NKAIN2: variants seen among roughly 807,000 people sequenced by gnomAD.
NKAIN2 encodes sodium/potassium-transporting ATPase subunit beta-1-interacting protein 2.
NKAIN2 carries 14 observed loss-of-function variants against 32.6 expected under a neutral mutation model. The ratio of observed to expected loss-of-function variants is 0.43; its 90% CI spans 0.28 to 0.67. The LOEUF (loss-of-function observed/expected upper bound fraction) is 0.67, where lower values mean the gene tolerates loss of function less well. Among genes scored for constraint, NKAIN2 ranks in the 30% least tolerant of loss-of-function variants. The pLI, the probability that NKAIN2 is intolerant of heterozygous loss-of-function variation, is 0.17. For missense variants in NKAIN2, 198 were observed against 258.3 expected, an observed-to-expected ratio of 0.77 and a Z score of 1.60; for synonymous variants, 80 against 87.2, an observed-to-expected ratio of 0.92 and a Z score of 0.46.
At chr6:124,251,598 T>C (rs1165493654) in intron 1 of NKAIN2, among the ~76,000 whole-genome samples, 2 of 152,008 alleles carry the variant, frequency 1.3e-5, no homozygotes, top group Admixed American at 1.3e-4. Context: ...TCTATAAATA[T>C]TAAAGCTCTT....
At chr6:124,118,227 T>G (rs539431971) in intron 1 of NKAIN2, among the ~76,000 whole-genome samples, 9 of 152,096 alleles carry the variant, frequency 5.9e-5, no homozygotes, top group African/African-American at 2.2e-4. Context: ...CAACCTTAAT[T>G]TAAAAAGAGG....
intron 1 of NKAIN2, among the ~76,000 whole-genome samples, chr6:123,887,667 T>C (rs1773789787): frequency 6.6e-6 from 1 of 152,058 alleles, no homozygotes; most frequent in Admixed American, 6.6e-5. Context: ...GAAGATGAGA[T>C]CTTACCAAAG....
chr6:124,274,701 A>G (rs1794945347), intron 1 of NKAIN2, among the ~76,000 whole-genome samples: 1 of 152,142 alleles, frequency 6.6e-6, no homozygotes, highest in Non-Finnish European at 1.5e-5. Flanking sequence ...TTAAAAACAT[A>G]TTATTTATTG....
intron 1 of NKAIN2, among the ~76,000 whole-genome samples, chr6:124,188,383 A>G (rs562347676): frequency 6.6e-6 from 1 of 152,346 alleles, no homozygotes; most frequent in South Asian, 2.1e-4. Flanking sequence ...AATTTCTTAA[A>G]GAGGTGTCAG....
At chr6:124,156,746 G>T (rs1272790737) in intron 1 of NKAIN2, among the ~76,000 whole-genome samples, 1 of 152,044 alleles carries the variant, frequency 6.6e-6, no homozygotes, top group Admixed American at 6.6e-5. Flanking sequence ...GTGGAGAATG[G>T]ACTATAAGAA....
At chr6:124,162,443 T>C (rs1289985549) in intron 1 of NKAIN2, among the ~76,000 whole-genome samples, 1 of 152,108 alleles carries the variant, frequency 6.6e-6, no homozygotes, top group African/African-American at 2.4e-5. Flanking sequence ...CCCTACTGAT[T>C]AGAAAAATTG....
intron 1 of NKAIN2, among the ~76,000 whole-genome samples, chr6:124,139,528 T>C (rs1389700918): frequency 6.6e-6 from 1 of 152,218 alleles, no homozygotes; most frequent in African/African-American, 2.4e-5. Flanking sequence ...TCTGTAAAGA[T>C]TCATGTGACA....
chr6:124,068,748 A>G (rs1473114514), intron 1 of NKAIN2, among the ~76,000 whole-genome samples: 3 of 150,276 alleles, frequency 2.0e-5, no homozygotes, highest in African/African-American at 4.9e-5. Flanking sequence ...GGATAATTTA[A>G]TTATAAAAAC....
chr6:124,251,910 T>C (rs1793705523), intron 1 of NKAIN2, among the ~76,000 whole-genome samples: 8 of 152,000 alleles, frequency 5.3e-5, no homozygotes, highest in Admixed American at 4.6e-4. Flanking sequence ...AAAGAAGATA[T>C]ATATAAGAAC....
chr6:124,810,876 A>G (rs566917283), intron 5 of NKAIN2, among the ~76,000 whole-genome samples: 3 of 151,596 alleles, frequency 2.0e-5, no homozygotes, highest in Non-Finnish European at 4.4e-5. Context: ...ACAACAGGCT[A>G]AAGTACGTCT....
At chr6:124,194,381 T>C (rs1240477451) in intron 1 of NKAIN2, among the ~76,000 whole-genome samples, 2 of 152,172 alleles carry the variant, frequency 1.3e-5, no homozygotes, top group Non-Finnish European at 2.9e-5. Context: ...AACATATCTG[T>C]TTCTGTTATT....
intron 3 of NKAIN2, among the ~76,000 whole-genome samples, chr6:124,526,331 A>G (rs1779311753): frequency 6.6e-6 from 1 of 152,142 alleles, no homozygotes; most frequent in Admixed American, 6.5e-5. Context: ...AAGAAGAAGC[A>G]CTTAAAAAGC....
intron 3 of NKAIN2, among the ~76,000 whole-genome samples, chr6:124,452,362 C>A (rs1420913032): frequency 2.6e-5 from 4 of 152,018 alleles, no homozygotes; most frequent in African/African-American, 9.7e-5. Context: ...CTATGTATGA[C>A]AATCAGTCCA....
At chr6:124,249,294 G>A (rs140657115) in intron 1 of NKAIN2, among the ~76,000 whole-genome samples, 7 of 152,136 alleles carry the variant, frequency 4.6e-5, no homozygotes, top group East Asian at 1.9e-4. Context: ...TTCCTCTGTC[G>A]AAGTGAGTGG....
chr6:124,196,070 A>G (rs1790299764), intron 1 of NKAIN2, among the ~76,000 whole-genome samples: 1 of 152,104 alleles, frequency 6.6e-6, no homozygotes, highest in Admixed American at 6.6e-5. Flanking sequence ...AAGAAAAGCT[A>G]TTTCTTTCCA....
chr6:124,174,627 T>C (rs546398229), intron 1 of NKAIN2, among the ~76,000 whole-genome samples: 7 of 152,250 alleles, frequency 4.6e-5, no homozygotes, highest in African/African-American at 1.7e-4. Flanking sequence ...ATTCAACTAT[T>C]CTTTCAACTA....
intron 3 of NKAIN2, among the ~76,000 whole-genome samples, chr6:124,515,697 T>A (rs1778881640): frequency 6.0e-5 from 1 of 16,598 alleles, no homozygotes; most frequent in East Asian, 2.1e-3. Context: ...CCCTACTTCA[T>A]TTTTCTTCGC....
At chr6:123,839,681 A>G (rs552261635) in intron 1 of NKAIN2, among the ~76,000 whole-genome samples, 58 of 152,160 alleles carry the variant, frequency 3.8e-4, no homozygotes, top group Non-Finnish European at 6.9e-4. Context: ...CTAGTAGCAT[A>G]CTGTTAGTCA....
chr6:124,646,722 G>A (rs1025171103), intron 3 of NKAIN2, among the ~76,000 whole-genome samples: 8 of 152,074 alleles, frequency 5.3e-5, no homozygotes, highest in African/African-American at 9.7e-5. Flanking sequence ...AAGCCGAGGC[G>A]AGTAGATCAC....
Sources: allele counts gnomAD v4.1 joint callset (sites outside exome capture counted in the v4.1 genomes callset), GRCh38; gene constraint gnomAD v4.1.1; transcripts MANE v1.5; gene names NCBI Gene and HGNC (gene_info 2026-07-23, HGNC 2026-07-21).